The following AGBL4 variants were observed in gnomAD, a reference collection of about 807,000 sequenced individuals.
AGBL4 encodes AGBL carboxypeptidase 4.
AGBL4 carries 58 observed loss-of-function variants against 66.4 expected under a neutral mutation model. The ratio of observed to expected loss-of-function variants is 0.87; its 90% CI spans 0.71 to 1.09. The LOEUF is 1.09. AGBL4 is among the 50% of genes least tolerant of loss of function. The pLI is 0.00. For synonymous variants in AGBL4, 234 were observed against 222.9 expected (o/e 1.05, Z -0.44); for missense variants, 579 against 631.0 (o/e 0.92, Z 0.88).
At position 49,727,771 on chromosome 1, in the gene AGBL4, G is replaced by T. The variant is rs573046552; in HGVS notation, c.158-30334C>A. 2.6e-4 allele frequency among the ~76,000 whole-genome samples: 40 copies of T among 152,198 alleles called. 1 individual carries two copies. Among genetic ancestry groups the T allele is most frequent in the Admixed American group, 9.2e-4 (14 of 15,282 alleles). On this transcript the variant is annotated intron_variant, in intron 2 of 13. Coordinates refer to ENST00000371839, the MANE Select transcript of AGBL4 (RefSeq NM_032785.4). ...GTTGAGTCCATCTTAGAAGCCAATA[G>T]TCCCTATCTTCTGGAAAAATTTGCA...
chr1:50,017,457 A>T lies in AGBL4; in HGVS notation c.34+6306T>A, dbSNP rs559013666. 5 of 152,298 alleles carry T rather than the reference A, an allele frequency of 3.3e-5. No individual in the cohort carries two copies. The East Asian group carries it at 9.6e-4, about 29-fold the overall frequency. 9.4% of individuals were successfully genotyped at this position (152,298 alleles called of 1,614,324 possible). Reference sequence around the variant, plus strand: ...TATCCATTATAGTGGGCAGTTGAGGAGGACTCAATCAAATACAACTGCGAA... The same window carrying T: ...TATCCATTATAGTGGGCAGTTGAGGTGGACTCAATCAAATACAACTGCGAA... On this transcript the variant is annotated intron_variant, in intron 1 of 13. Transcript: ENST00000371839.
chr1:49,990,126 C>T (rs1027797537), intron 1 of AGBL4, among the ~76,000 whole-genome samples: 1 of 152,072 alleles, frequency 6.6e-6, no homozygotes, highest in African/African-American at 2.4e-5. Flanking sequence ...AAAAAGCAAA[C>T]CTTTCAACTC....
At chr1:49,989,736 A>G (rs1211040138) in intron 1 of AGBL4, among the ~76,000 whole-genome samples, 2 of 152,194 alleles carry the variant, frequency 1.3e-5, no homozygotes, top group Admixed American at 1.3e-4. Context: ...TTTAAAAATA[A>G]AAATGTTTAA....
chr1:49,559,644 T>A (rs748949330), intron 3 of AGBL4, among the ~76,000 whole-genome samples: 3 of 152,160 alleles, frequency 2.0e-5, no homozygotes, highest in Non-Finnish European at 4.4e-5. Context: ...CCTTCTACTG[T>A]TCTGGATGCT....
At chr1:48,976,118 AT>A in intron 5 of AGBL4, among the ~76,000 whole-genome samples, 1 of 152,302 alleles carries the variant, frequency 6.6e-6, no homozygotes, top group African/African-American at 2.4e-5. Context: ...ACATTTGACA[AT>A]GGAATTATTG....
chr1:49,241,704 G>A (rs1367866845), intron 4 of AGBL4, among the ~76,000 whole-genome samples: 2 of 151,840 alleles, frequency 1.3e-5, no homozygotes, highest in Admixed American at 6.6e-5. Context: ...GCAGAAGGAG[G>A]GAAGAAAGAG....
chr1:49,253,704 C>A (rs1429878360), intron 3 of AGBL4, among the ~76,000 whole-genome samples: 10 of 147,802 alleles, frequency 6.8e-5, no homozygotes, highest in Admixed American at 5.4e-4. Context: ...CAAAACCTGG[C>A]AGAGACAAAA....
At chr1:49,514,618 G>A (rs985725574) in intron 3 of AGBL4, among the ~76,000 whole-genome samples, 17 of 152,068 alleles carry the variant, frequency 1.1e-4, no homozygotes, top group African/African-American at 2.9e-4. Context: ...GAGGCATCAC[G>A]CTACCTGACT....
At chr1:49,452,860 G>T (rs1476895861) in intron 3 of AGBL4, among the ~76,000 whole-genome samples, 4 of 151,900 alleles carry the variant, frequency 2.6e-5, no homozygotes, top group Non-Finnish European at 5.9e-5. Context: ...TTTTCTGTGT[G>T]AGGCACTGTG....
chr1:49,224,103 C>T (rs988265279), intron 4 of AGBL4, among the ~76,000 whole-genome samples: 1 of 152,182 alleles, frequency 6.6e-6, no homozygotes, highest in African/African-American at 2.4e-5. Context: ...ACATAGCATA[C>T]GTGCAGAAAA....
At chr1:49,846,216 G>A (rs1646138892) in intron 2 of AGBL4, 2 of 1,460,222 alleles carry the variant, frequency 1.4e-6, no homozygotes, top group African/African-American at 2.8e-5. Flanking sequence ...CAGCACAAAA[G>A]GACACACACT....
chr1:48,930,260 G>A (rs189034058), intron 5 of AGBL4, among the ~76,000 whole-genome samples: 12 of 152,018 alleles, frequency 7.9e-5, no homozygotes, highest in Admixed American at 4.6e-4. Context: ...TGCTTGGCAC[G>A]CTCTGCCATC....
intron 3 of AGBL4, among the ~76,000 whole-genome samples, chr1:49,427,951 C>T (rs1362465916): frequency 6.6e-6 from 1 of 152,142 alleles, no homozygotes; most frequent in Non-Finnish European, 1.5e-5. Context: ...AGAGTGCTGA[C>T]TGGTGAGTTT....
At chr1:50,008,384 G>A (rs905233516) in intron 1 of AGBL4, among the ~76,000 whole-genome samples, 2 of 152,200 alleles carry the variant, frequency 1.3e-5, no homozygotes, top group African/African-American at 4.8e-5. Flanking sequence ...CTATAGAAAC[G>A]TATGGAAATT....
chr1:48,644,076 G>C (rs1431815465), intron 8 of AGBL4, among the ~76,000 whole-genome samples: 1 of 152,122 alleles, frequency 6.6e-6, no homozygotes, highest in Non-Finnish European at 1.5e-5. Flanking sequence ...GGAATAGAAT[G>C]AGAGTAGGAG....
At chr1:49,073,387 A>T (rs1644648651) in intron 4 of AGBL4, among the ~76,000 whole-genome samples, 1 of 152,054 alleles carries the variant, frequency 6.6e-6, no homozygotes, top group South Asian at 2.1e-4. Flanking sequence ...TGTGGTTTTT[A>T]TCTACCTTTG....
At chr1:48,963,067 CA>C (rs927139861) in intron 5 of AGBL4, among the ~76,000 whole-genome samples, 1 of 150,410 alleles carries the variant, frequency 6.6e-6, no homozygotes, top group Non-Finnish European at 1.5e-5. Context: ...CAGAATACCA[CA>C]GACTGGGTAA....
chr1:48,731,330 G>A (rs1245825353), intron 6 of AGBL4, among the ~76,000 whole-genome samples: 3 of 152,116 alleles, frequency 2.0e-5, no homozygotes, highest in Admixed American at 6.5e-5. Context: ...GTGACAGCAG[G>A]TAGCCTGAAA....
Position 48,563,029 on chromosome 1 carries a change from G to A in AGBL4, c.1268-23291C>T, listed in dbSNP as rs575233323. On this transcript the variant is annotated intron_variant, in intron 11 of 13. Transcript: ENST00000371839. ...TCACCACTAGGATACTCCACAGCCAGTTCCACAGGCTTCTTTCTTTCCAAA... is the reference window on the plus strand; with the variant it reads ...TCACCACTAGGATACTCCACAGCCAATTCCACAGGCTTCTTTCTTTCCAAA... Among the ~76,000 whole-genome samples, 5 of 152,300 alleles carry A rather than the reference G, an allele frequency of 3.3e-5. No homozygotes were observed. The South Asian group carries it at 1.0e-3, about 32-fold the overall frequency.
Sources: gnomAD v4.1 joint callset for allele counts (sites outside exome capture counted in the v4.1 genomes callset) on GRCh38, gnomAD v4.1.1 for gene constraint, MANE v1.5 for transcripts, NCBI Gene and HGNC (gene_info 2026-07-23, HGNC 2026-07-21) for gene names.